LINGO2: variants seen among roughly 807,000 people sequenced by gnomAD.
The protein encoded by LINGO2 is leucine-rich repeat and immunoglobulin-like domain-containing nogo receptor-interacting protein 2.
In LINGO2, 14 loss-of-function variants were observed where a neutral mutation model predicts 30.6. The ratio of observed to expected loss-of-function variants is 0.46; its 90% CI spans 0.30 to 0.72. The LOEUF (loss-of-function observed/expected upper bound fraction) is 0.72. LINGO2 is among the 30% of genes least tolerant of loss of function. The probability of loss-of-function intolerance (pLI) is 0.07; values close to 1 mark genes in which losing one functional copy is unlikely to be tolerated. For missense variants in LINGO2, 729 were observed against 751.7 expected (o/e 0.97, Z 0.35); for synonymous variants, 317 against 288.5 (o/e 1.10, Z -1.00).
intron 3 of LINGO2, among the ~76,000 whole-genome samples, chr9:28,316,057 A>G (rs1824834156): frequency 2.0e-5 from 3 of 152,142 alleles, no homozygotes; most frequent in Non-Finnish European, 1.5e-5. Context: ...AGATAATAAT[A>G]AAAAATATTT....
chr9:28,717,952 T>G, the LINGO2 span, among the ~76,000 whole-genome samples: 1,028 of 152,064 alleles, frequency 6.8e-3, 24 homozygotes, highest in East Asian at 0.037. Flanking sequence ...ATATCCAGAT[T>G]TGAAAGACAA....
chr9:29,015,027 G>A, the LINGO2 span, among the ~76,000 whole-genome samples: 6 of 152,026 alleles, frequency 3.9e-5, no homozygotes, highest in Non-Finnish European at 7.4e-5. Flanking sequence ...TGATTCTCTG[G>A]TTTGTTTTGG....
At chr9:28,221,445 C>T (rs10757719) in intron 4 of LINGO2, among the ~76,000 whole-genome samples, 53,582 of 150,948 alleles carry the variant, frequency 0.35, 10,287 homozygotes, top group East Asian at 0.43. Flanking sequence ...TCATGTTTTA[C>T]GCAGTAAATA....
intron 3 of LINGO2, among the ~76,000 whole-genome samples, chr9:28,345,235 G>A (rs1819521959): frequency 6.6e-6 from 1 of 152,038 alleles, no homozygotes; most frequent in African/African-American, 2.4e-5. Context: ...GGCTATTTAA[G>A]AATTGAATTA....
the LINGO2 span, among the ~76,000 whole-genome samples, chr9:28,851,903 T>C: frequency 4.6e-5 from 7 of 151,842 alleles, no homozygotes; most frequent in African/African-American, 1.7e-4. Context: ...TATAATCACA[T>C]TTGGAGATAA....
rs143304286 is a variant in LINGO2, at chr9:27,949,933, A to G, written c.739T>C (p.Tyr247His). 94 of 1,614,172 alleles carry G rather than the reference A, an allele frequency of 5.8e-5. 1 individual carries two copies. The South Asian group carries it at 8.9e-4, about 15-fold the overall frequency. Residue 247 changes from tyrosine (Y) to histidine (H), a missense_variant, in exon 6 of 6, where the codon TAC (tyrosine) becomes CAC (histidine). Transcript: ENST00000379992. ...GAAAGGGATGTGAGGTTGAGACCGTAGAGGCTATTGGCAGGCATCATATCC... is the reference window on the plus strand; with the variant it reads ...GAAAGGGATGTGAGGTTGAGACCGTGGAGGCTATTGGCAGGCATCATATCC...
the LINGO2 span, among the ~76,000 whole-genome samples, chr9:29,045,584 A>G: frequency 1.1e-5 from 1 of 91,620 alleles, no homozygotes; most frequent in Non-Finnish European, 2.7e-5. Flanking sequence ...CTTCATGATT[A>G]AAAAAAAAAA....
intron 5 of LINGO2, among the ~76,000 whole-genome samples, chr9:27,961,595 G>A (rs10757702): frequency 6.6e-6 from 1 of 152,060 alleles, no homozygotes; most frequent in African/African-American, 2.4e-5. Context: ...CACGTTATCC[G>A]GAGAGCAATG....
intron 4 of LINGO2, among the ~76,000 whole-genome samples, chr9:28,042,204 T>C (rs1363766543): frequency 6.6e-6 from 1 of 152,228 alleles, no homozygotes; most frequent in Non-Finnish European, 1.5e-5. Flanking sequence ...TGCTTTCAAT[T>C]TAAAACTCTG....
chr9:28,810,998 A>C, the LINGO2 span, among the ~76,000 whole-genome samples: 1,377 of 152,090 alleles, frequency 9.1e-3, 19 homozygotes, highest in African/African-American at 0.032. Flanking sequence ...ATAGCTTCTT[A>C]TTTCCAGCTG....
At chr9:28,024,157 T>C (rs10968288) in intron 4 of LINGO2, among the ~76,000 whole-genome samples, 9,947 of 152,284 alleles carry the variant, frequency 0.065, 413 homozygotes, top group Non-Finnish European at 0.094. Context: ...GAAATGGCCC[T>C]TTCTGAGAAA....
intron 4 of LINGO2, among the ~76,000 whole-genome samples, chr9:28,237,117 C>CGGG (rs35883848): frequency 0.013 from 1,515 of 112,588 alleles, 24 homozygotes; most frequent in Admixed American, 0.022. Context: ...TTAAACAGTG[C>CGGG]GGGGGGGGGG....
At chr9:28,895,248 A>T in the LINGO2 span, among the ~76,000 whole-genome samples, 2 of 152,184 alleles carry the variant, frequency 1.3e-5, no homozygotes, top group African/African-American at 4.8e-5. Flanking sequence ...ACACTATAAA[A>T]GTCATCAGAA....
At chr9:27,963,975 A>G (rs1237858826) in intron 5 of LINGO2, among the ~76,000 whole-genome samples, 1 of 152,128 alleles carries the variant, frequency 6.6e-6, no homozygotes, top group Non-Finnish European at 1.5e-5. Flanking sequence ...AAGGACCCCA[A>G]GCCAACTTGA....
intron 4 of LINGO2, among the ~76,000 whole-genome samples, chr9:28,154,735 C>T (rs564367047): frequency 3.9e-5 from 6 of 152,294 alleles, no homozygotes; most frequent in Non-Finnish European, 5.9e-5. Flanking sequence ...GTTGCAACTA[C>T]GCTTACTGAG....
the LINGO2 span, among the ~76,000 whole-genome samples, chr9:29,187,001 A>G: frequency 6.6e-6 from 1 of 152,178 alleles, no homozygotes; most frequent in Non-Finnish European, 1.5e-5. Flanking sequence ...ACAAATTTCA[A>G]CTACAGACAG....
At chr9:29,160,817 G>A in the LINGO2 span, among the ~76,000 whole-genome samples, 2 of 152,274 alleles carry the variant, frequency 1.3e-5, no homozygotes, top group Admixed American at 6.5e-5. Context: ...AGATTATGCC[G>A]AGGCAGACAT....
At position 28,148,429 on chromosome 9, in the gene LINGO2, G is replaced by C. The variant is rs1827880368; in HGVS notation, c.-86-136024C>G. On this transcript the variant is annotated intron_variant, in intron 4 of 5. Transcript: ENST00000379992. The surrounding 1 kb of genome is among the most constrained non-coding windows in gnomAD (Gnocchi z 5.1). ...AGGTGATCCCAGCCAGGCTCCCGAA[G>C]ATGGAGGTGAGGGCAGAAGAGCCCA... 1 of 1,333,688 alleles carries C rather than the reference G, an allele frequency of 7.5e-7. No individual in the cohort carries two copies. Among genetic ancestry groups the C allele is most frequent in the Non-Finnish European group, 1.0e-6 (1 of 962,938 alleles). 82.6% of individuals were successfully genotyped at this position (1,333,688 alleles called of 1,614,324 possible).
intron 1 of LINGO2, among the ~76,000 whole-genome samples, chr9:28,574,476 A>G (rs10968658): frequency 6.6e-6 from 1 of 151,898 alleles, no homozygotes; most frequent in Non-Finnish European, 1.5e-5. Context: ...TGTCTATGAC[A>G]CTAATGTTGT....
Sources: gnomAD v4.1 joint callset for allele counts (sites outside exome capture counted in the v4.1 genomes callset) on GRCh38, gnomAD v4.1.1 for gene constraint, Gnocchi (gnomAD v3.1) non-coding constraint, MANE v1.5 for transcripts, NCBI Gene and HGNC (gene_info 2026-07-23, HGNC 2026-07-21) for gene names.